PIGN: variants seen among roughly 807,000 people sequenced by gnomAD.
PIGN encodes the protein phosphatidylinositol glycan anchor biosynthesis class N, also known as GPI ethanolamine phosphate transferase 1.
A neutral mutation model predicts 125.4 loss-of-function variants in PIGN; 117 were observed. The ratio of observed to expected loss-of-function variants is 0.93; its 90% CI spans 0.80 to 1.09. The LOEUF (loss-of-function observed/expected upper bound fraction) is 1.09. PIGN is among the 50% of genes least tolerant of loss of function. The pLI is 0.00. For synonymous variants in PIGN, 392 were observed against 377.8 expected (o/e 1.04, Z -0.44); for missense variants, 1,075 against 1,094.9 (o/e 0.98, Z 0.26).
At chr18:62,040,889 G>C (rs2030350797), downstream of PIGN, among the ~76,000 whole-genome samples, 1 of 152,174 alleles carries the variant, frequency 6.6e-6, no homozygotes, top group African/African-American at 2.4e-5. Context: ...TCTGCTTAAA[G>C]TAAAAACAAC....
intron 28 of PIGN, among the ~76,000 whole-genome samples, chr18:62,077,208 G>A (rs2033217023): frequency 1.3e-5 from 2 of 152,128 alleles, no homozygotes; most frequent in South Asian, 4.1e-4. Flanking sequence ...CGAAAACCCG[G>A]CTCTACTAAA....
intron 30 of PIGN, among the ~76,000 whole-genome samples, chr18:62,068,469 T>C (rs1020928877): frequency 1.3e-5 from 2 of 152,172 alleles, no homozygotes; most frequent in Admixed American, 1.3e-4. Context: ...TTTATTTTTA[T>C]TGGGGTCTTG....
intron 19 of PIGN, among the ~76,000 whole-genome samples, chr18:62,106,005 C>T (rs188170742): frequency 1.8e-4 from 27 of 152,114 alleles, no homozygotes; most frequent in African/African-American, 5.5e-4. Context: ...ATAAAATAAC[C>T]AGTATTTAAA....
intron 30 of PIGN, among the ~76,000 whole-genome samples, chr18:62,060,031 C>T (rs1568128208): frequency 6.6e-6 from 1 of 152,186 alleles, no homozygotes; most frequent in African/African-American, 2.4e-5. Flanking sequence ...ACAGATCACT[C>T]ATTTCCTTAC....
intron 1 of PIGN, among the ~76,000 whole-genome samples, chr18:62,175,170 A>T (rs1490603323): frequency 1.3e-5 from 2 of 150,566 alleles, no homozygotes; most frequent in Non-Finnish European, 3.0e-5. Context: ...TCGTGTTTTC[A>T]CTTCTCCACA....
At chr18:62,029,451 G>T (rs994373191) in intron 23 of PIGN, among the ~76,000 whole-genome samples, 3 of 152,162 alleles carry the variant, frequency 2.0e-5, no homozygotes, top group African/African-American at 7.2e-5. Context: ...GGGATGGAAG[G>T]ATGGTTGGGT....
Position 62,105,574 on chromosome 18 carries a change from C to T in PIGN, c.1828G>A (p.Val610Ile). Reference sequence around the variant, plus strand: ...GAGATGTCTGGCTTTCGACCTACAACCGGCATCAGTGGGAACACTGCCAGG... The same window carrying T: ...GAGATGTCTGGCTTTCGACCTACAATCGGCATCAGTGGGAACACTGCCAGG... ...LLLAVFPLMP[V>I]VGRKPDISLV... The change falls in exon 20 of 31, where the codon GTT becomes ATT. Residue 610 changes from valine to isoleucine, a missense_variant. By Grantham distance (29) the Val-to-Ile change is conservative. This residue lies in a region of PIGN where 915 missense variants were observed against 908.7 expected (regional missense o/e 1.01). Coordinates refer to ENST00000640252, the MANE Select transcript of PIGN (RefSeq NM_176787.5). The T allele has an allele frequency of 6.4e-7, 1 of 1,553,666 alleles. No individual in the cohort carries two copies. The highest frequency in any genetic ancestry group is 8.7e-7 in the Non-Finnish European group (1 of 1,147,278).
Position 62,154,583 on chromosome 18 carries a change from C to G in PIGN, c.511G>C (p.Ala171Pro), listed in dbSNP as rs1373466131. Reference sequence around the variant, plus strand: ...AAAACCCACGTATCCAGTTTTGTTGCATCTTGAGCACCAAAATCCTCTCTT... The same window carrying G: ...AAAACCCACGTATCCAGTTTTGTTGGATCTTGAGCACCAAAATCCTCTCTT... The part of the protein sequence containing the change: ...AKREDFGAQD[A>P]TKLDTWVFDN... The change falls in exon 7 of 31, where the codon GCA becomes CCA. Residue 171 changes from alanine (A) to proline (P), a missense_variant. By Grantham distance (27) the Ala-to-Pro change is conservative. Coordinates refer to ENST00000640252, the MANE Select transcript of PIGN (RefSeq NM_176787.5). 1 of 1,590,944 alleles carries G rather than the reference C, an allele frequency of 6.3e-7. No homozygotes were observed. Among genetic ancestry groups the G allele is most frequent in the South Asian group, 1.1e-5 (1 of 90,320 alleles).
rs750980317 is a variant in PIGN at position 62,101,124 on chromosome 18, C to T, written c.2028G>A (p.Arg676=). 1 of 1,612,210 alleles carries T rather than the reference C, an allele frequency of 6.2e-7. No homozygotes were observed. The highest frequency in any genetic ancestry group is 2.2e-5 in the East Asian group (1 of 44,826). Residue 676 remains arginine, a synonymous_variant, in exon 22 of 31, where the codon AGG becomes AGA. Transcript: ENST00000640252. ...GATTCATGAGAGGCAGTCCTTGCTT[C>T]CTGAGTAGACTACTCTGAGTGCTAT... The part of the protein sequence containing the change: ...VVYSTQSSLL[R]KQGLPLMNQI...
At chr18:62,060,499 G>T (rs932439811) in intron 30 of PIGN, among the ~76,000 whole-genome samples, 1 of 151,988 alleles carries the variant, frequency 6.6e-6, no homozygotes, top group African/African-American at 2.4e-5. Context: ...AATAAAGTTT[G>T]GTATTCACTG....
intron 1 of PIGN, among the ~76,000 whole-genome samples, chr18:62,171,517 T>A (rs1292194469): frequency 6.6e-6 from 1 of 152,218 alleles, no homozygotes; most frequent in Non-Finnish European, 1.5e-5. Context: ...TAGAAGTGAT[T>A]ACAGCAGAAA....
At position 62,149,371 on chromosome 18, in the gene PIGN, A is replaced by G. The variant is rs924389423; in HGVS notation, c.550-1033T>C. 1.4e-4 allele frequency among the ~76,000 whole-genome samples: 21 copies of G among 152,242 alleles called. 1 individual carries two copies. Among genetic ancestry groups the G allele is most frequent in the African/African-American group, 4.6e-4 (19 of 41,470 alleles). ...CCCTAAGAAAATTTAAATCTAGATA[A>G]AAACAATAAGCTCTTTAAGAGAAAA... On this transcript the variant is annotated intron_variant, in intron 7 of 30. Coordinates refer to ENST00000640252, the MANE Select transcript of PIGN (RefSeq NM_176787.5).
At chr18:62,019,255 C>T (rs2030022762) in intron 23 of PIGN, among the ~76,000 whole-genome samples, 1 of 152,216 alleles carries the variant, frequency 6.6e-6, no homozygotes. Flanking sequence ...TTGATACAAA[C>T]TTGTAGCCTT....
intron 1 of PIGN, among the ~76,000 whole-genome samples, chr18:62,185,327 C>A (rs1224162865): frequency 6.6e-6 from 1 of 152,070 alleles, no homozygotes; most frequent in Non-Finnish European, 1.5e-5. Context: ...CCATGTTTTA[C>A]TTTTAATATA....
At chr18:62,167,632 A>C (rs2037194308) in intron 1 of PIGN, among the ~76,000 whole-genome samples, 1 of 77,384 alleles carries the variant, frequency 1.3e-5, no homozygotes, top group Non-Finnish European at 2.8e-5. Flanking sequence ...ACTCCGTCTC[A>C]AAAAAAAAAA....
intron 30 of PIGN, among the ~76,000 whole-genome samples, chr18:62,046,596 T>C (rs1487877049): frequency 6.6e-6 from 1 of 150,832 alleles, no homozygotes; most frequent in Admixed American, 6.7e-5. Flanking sequence ...TGTGGAAAAA[T>C]TGTCTTCCAT....
intron 14 of PIGN, among the ~76,000 whole-genome samples, chr18:62,130,066 C>T (rs1337880580): frequency 6.6e-6 from 1 of 152,052 alleles, no homozygotes; most frequent in Non-Finnish European, 1.5e-5. Context: ...CCAAGGAAAC[C>T]GAGGATTGCT....
chr18:62,142,295 G>A (rs1283762718), intron 11 of PIGN, among the ~76,000 whole-genome samples: 2 of 152,194 alleles, frequency 1.3e-5, no homozygotes, highest in Non-Finnish European at 2.9e-5. Context: ...ATTTGATGGA[G>A]ATTTGAAGCA....
intron 28 of PIGN, among the ~76,000 whole-genome samples, chr18:62,079,552 T>C (rs1265381690): frequency 1.3e-5 from 2 of 152,188 alleles, no homozygotes; most frequent in Admixed American, 1.3e-4. Flanking sequence ...CAGGAAAAAT[T>C]AGACCTGGTA....
Sources: gnomAD v4.1 joint callset for allele counts (sites outside exome capture counted in the v4.1 genomes callset) on GRCh38, gnomAD v4.1.1 for gene constraint, gnomAD v4.1.1 regional missense constraint, MANE v1.5 for transcripts, NCBI Gene and HGNC (gene_info 2026-07-23, HGNC 2026-07-21) for gene names.